Variants in PIAS1 observed in about 807,000 individuals in gnomAD.
PIAS1 encodes E3 SUMO-protein ligase PIAS1.
PIAS1 carries 6 observed loss-of-function variants against 71.3 expected under a neutral mutation model. The observed-to-expected ratio is 0.08, with a 90% CI of 0.05 to 0.17. PIAS1 has a LOEUF of 0.17. PIAS1 is among the 10% of genes least tolerant of loss of function. PIAS1 has a pLI of 1.00. For missense variants in PIAS1, 555 were observed against 793.6 expected (o/e 0.70, Z 3.61); for synonymous variants, 303 against 292.9 (o/e 1.03, Z -0.35).
intron 2 of PIAS1, among the ~76,000 whole-genome samples, chr15:68,087,156 G>C (rs984874706): frequency 6.6e-6 from 1 of 152,030 alleles, no homozygotes; most frequent in African/African-American, 2.4e-5. Flanking sequence ...TTAAATGAGT[G>C]AATGGTTTTA....
intron 2 of PIAS1, among the ~76,000 whole-genome samples, chr15:68,132,720 A>G (rs2092696531): frequency 6.6e-6 from 1 of 152,156 alleles, no homozygotes; most frequent in African/African-American, 2.4e-5. Context: ...TTGAGTGGCA[A>G]AATAGAGCTT....
At chr15:68,097,754 TGC>T (rs1288141426) in intron 2 of PIAS1, among the ~76,000 whole-genome samples, 32 of 152,198 alleles carry the variant, frequency 2.1e-4, no homozygotes, top group Non-Finnish European at 4.4e-4. Flanking sequence ...ATTTATTAAA[TGC>T]TTTTTCAACA....
At chr15:68,080,775 A>C (rs1262001450) in intron 1 of PIAS1, among the ~76,000 whole-genome samples, 1 of 152,254 alleles carries the variant, frequency 6.6e-6, no homozygotes, top group East Asian at 1.9e-4. Context: ...ATGAAATATT[A>C]TGACATTATT....
chr15:68,062,360 A>G (rs1312642299), intron 1 of PIAS1, among the ~76,000 whole-genome samples: 1 of 152,170 alleles, frequency 6.6e-6, no homozygotes, highest in Non-Finnish European at 1.5e-5. Context: ...TGACAGCTTT[A>G]TTGAGATAAA....
intron 7 of PIAS1, among the ~76,000 whole-genome samples, chr15:68,159,035 T>G (rs1249260158): frequency 2.6e-5 from 4 of 152,172 alleles, no homozygotes; most frequent in Admixed American, 2.6e-4. Context: ...ACAAGATTAA[T>G]TCTGCTCCCC....
intron 1 of PIAS1, among the ~76,000 whole-genome samples, chr15:68,056,480 G>C (rs2091897541): frequency 6.6e-6 from 1 of 151,800 alleles, no homozygotes; most frequent in Non-Finnish European, 1.5e-5. Context: ...CTCGTTTTTT[G>C]TGCTCTCCCA....
chr15:68,077,752 G>T (rs567473232), intron 1 of PIAS1, among the ~76,000 whole-genome samples: 2 of 152,308 alleles, frequency 1.3e-5, no homozygotes, highest in South Asian at 2.1e-4. Flanking sequence ...AGCATTGTGT[G>T]GACATTGGCA....
Position 68,054,974 on chromosome 15 carries a change from G to A in PIAS1, c.24+624G>A, listed in dbSNP as rs1322311682. 1 of 152,486 alleles carries A rather than the reference G, an allele frequency of 6.6e-6. No individual in the cohort carries two copies. 9.4% of individuals were successfully genotyped at this position (152,486 alleles called of 1,614,324 possible). ...GATAGGGTGGGGATCTGGGGGAGAA[G>A]CTCTGGTAAAGTTTAGCGAGCCCCG... On this transcript the variant is annotated intron_variant, in intron 1 of 13. Coordinates refer to ENST00000249636, the MANE Select transcript of PIAS1 (RefSeq NM_016166.3). The surrounding 1 kb of genome is among the most constrained non-coding windows in gnomAD (Gnocchi z 4.6).
chr15:68,177,244 A>C (rs2093025538), intron 11 of PIAS1, among the ~76,000 whole-genome samples: 1 of 136,328 alleles, frequency 7.3e-6, no homozygotes, highest in Admixed American at 8.8e-5. Flanking sequence ...GTGCCATTGC[A>C]CTCCAGCCTG....
chr15:68,090,927 G>GGTGTGTGT (rs10667510), intron 2 of PIAS1, among the ~76,000 whole-genome samples: 9,024 of 142,750 alleles, frequency 0.063, 378 homozygotes, highest in South Asian at 0.13. Flanking sequence ...GTCATTTACG[G>GGTGTGTGT]GTGTGTGTGT....
At chr15:68,156,219 A>G (rs1282944023) in intron 7 of PIAS1, among the ~76,000 whole-genome samples, 2 of 152,262 alleles carry the variant, frequency 1.3e-5, no homozygotes, top group East Asian at 3.8e-4. Flanking sequence ...TGCACAAGTC[A>G]TTAATGAGTT....
At chr15:68,118,741 C>T (rs1465630164) in intron 2 of PIAS1, among the ~76,000 whole-genome samples, 1 of 152,094 alleles carries the variant, frequency 6.6e-6, no homozygotes, top group Non-Finnish European at 1.5e-5. Context: ...TGATGTTGAA[C>T]ATTTTTTCAT....
chr15:68,152,130 T>G (rs1052652606), intron 6 of PIAS1, among the ~76,000 whole-genome samples: 1 of 151,478 alleles, frequency 6.6e-6, no homozygotes, highest in Non-Finnish European at 1.5e-5. Flanking sequence ...TTTGTATTTT[T>G]AGTAGAGACG....
chr15:68,113,505 A>G (rs1336184511), intron 2 of PIAS1, among the ~76,000 whole-genome samples: 1 of 152,158 alleles, frequency 6.6e-6, no homozygotes, highest in African/African-American at 2.4e-5. Flanking sequence ...TGGACTTAAA[A>G]CAGCCTAATG....
chr15:68,128,303 G>A (rs987105540), intron 2 of PIAS1, among the ~76,000 whole-genome samples: 24 of 152,104 alleles, frequency 1.6e-4, no homozygotes, highest in African/African-American at 4.3e-4. Context: ...AGTAACTTGG[G>A]TTACTGGCGT....
Position 68,188,637 on chromosome 15 carries a change from A to G in PIAS1, c.*802A>G, listed in dbSNP as rs2093103222. 6.6e-6 allele frequency: 1 copy of G among 152,206 alleles called. No individual in the cohort carries two copies. Among genetic ancestry groups the G allele is most frequent in the Non-Finnish European group, 1.5e-5 (1 of 68,032 alleles). 9.4% of individuals were successfully genotyped at this position (152,206 alleles called of 1,614,324 possible). On this transcript the variant is annotated 3_prime_UTR_variant, in exon 14 of 14. Coordinates refer to ENST00000249636, the MANE Select transcript of PIAS1 (RefSeq NM_016166.3). ...TCTGTACCCCCTGAGAATATGTTTT[A>G]GAGATATTGGAATAAAGCTGTCTGG...
chr15:68,154,033 C>CA (rs2092868928), intron 7 of PIAS1: 1 of 201,918 alleles, frequency 5.0e-6, no homozygotes, highest in Non-Finnish European at 1.0e-5. Flanking sequence ...GAAAAATGTA[C>CA]AGAATTATAT....
At chr15:68,181,100 T>G (rs2093051062) in intron 11 of PIAS1, 112 bp from the exon 12 acceptor site, 1 of 803,666 alleles carries the variant, frequency 1.2e-6, no homozygotes, top group Non-Finnish European at 2.0e-6. Flanking sequence ...TTGGTTTTGT[T>G]CTTATTTCCA....
At chr15:68,075,638 G>C (rs1184121298) in intron 1 of PIAS1, among the ~76,000 whole-genome samples, 1 of 152,076 alleles carries the variant, frequency 6.6e-6, no homozygotes, top group Non-Finnish European at 1.5e-5. Context: ...AAAAGAAAGG[G>C]TCGTTATTAT....
Sources: gnomAD v4.1 joint callset for allele counts (sites outside exome capture counted in the v4.1 genomes callset) on GRCh38, gnomAD v4.1.1 for gene constraint, Gnocchi (gnomAD v3.1) non-coding constraint, MANE v1.5 for transcripts, NCBI Gene and HGNC (gene_info 2026-07-23, HGNC 2026-07-21) for gene names.